EMILIN2: variants seen among roughly 807,000 people sequenced by gnomAD.
EMILIN2 encodes elastin microfibril interfacer 2.
Under a neutral mutation model 87.1 loss-of-function variants are expected in EMILIN2, and 71 were observed. The observed-to-expected ratio is 0.82, with a 90% confidence interval of 0.67 to 0.99. EMILIN2 has a LOEUF of 0.99. Ranked by LOEUF, EMILIN2 falls within the 50% of genes least tolerant of loss-of-function variation. The pLI is 0.00. For synonymous variants in EMILIN2, 581 were observed against 563.4 expected (o/e 1.03, Z -0.44); for missense variants, 1,407 against 1,371.8 (o/e 1.03, Z -0.40).
rs16943981 is a variant in EMILIN2 at position 2,891,492 on chromosome 18, A to G, written c.1365A>G (p.Ala455=). The stretch of plus-strand genomic sequence containing the variant: ...ATGCAAAATGGAATGAACTCGATGC[A>G]AGGATCAATGTGACGGAGAAGAACG... The part of the protein sequence containing the change: ...DFDAKWNELD[A]RINVTEKNAE... The change falls in exon 4 of 8, where the codon GCA becomes GCG. Residue 455 remains alanine, a synonymous_variant. Coordinates refer to ENST00000254528, the MANE Select transcript of EMILIN2 (RefSeq NM_032048.3). The surrounding 1 kb of genome is among the most constrained non-coding windows in gnomAD (Gnocchi z 4.6). The G allele has an allele frequency of 9.5e-4, 1,541 of 1,614,238 alleles. 15 individuals are homozygous for G. The African/African-American group carries it at 0.017, about 17-fold the overall frequency.
At chr18:2,862,712 G>C (rs1345815070) in intron 2 of EMILIN2, among the ~76,000 whole-genome samples, 4 of 152,122 alleles carry the variant, frequency 2.6e-5, no homozygotes, top group Non-Finnish European at 5.9e-5. Context: ...CCAGGTTTTG[G>C]TATCAGGATG....
chr18:2,862,360 T>G (rs199986399), intron 2 of EMILIN2, among the ~76,000 whole-genome samples: 8 of 152,260 alleles, frequency 5.3e-5, no homozygotes, highest in South Asian at 2.1e-4. Context: ...GTATGATATT[T>G]GCTGTGGGTT....
intron 2 of EMILIN2, among the ~76,000 whole-genome samples, chr18:2,878,966 G>T (rs2076763389): frequency 6.6e-6 from 1 of 152,148 alleles, no homozygotes; most frequent in Non-Finnish European, 1.5e-5. Flanking sequence ...TTAGTAGCCT[G>T]TGTCAAAATA....
At chr18:2,870,491 T>C (rs2076714043) in intron 2 of EMILIN2, among the ~76,000 whole-genome samples, 1 of 152,236 alleles carries the variant, frequency 6.6e-6, no homozygotes, top group Non-Finnish European at 1.5e-5. Flanking sequence ...TGTTGGCTTC[T>C]GGAAGTGCAC....
At chr18:2,905,178 T>A (rs2076904111) in intron 4 of EMILIN2, among the ~76,000 whole-genome samples, 3 of 151,784 alleles carry the variant, frequency 2.0e-5, no homozygotes, top group Admixed American at 2.0e-4. Flanking sequence ...CAGGGAAAAC[T>A]GAGAGAGTAA....
chr18:2,885,251 C>A, intron 3 of EMILIN2, 112 bp downstream of exon 3: 1 of 1,193,984 alleles, frequency 8.4e-7, no homozygotes, highest in Non-Finnish European at 1.1e-6. Flanking sequence ...CTTCGAATAA[C>A]ACACATAGAT....
chr18:2,854,626 T>C (rs9950138), intron 2 of EMILIN2, among the ~76,000 whole-genome samples: 51,408 of 151,866 alleles, frequency 0.34, 9,721 homozygotes, highest in African/African-American at 0.52. Context: ...GACCTTGTCT[T>C]TACAAAAAAT....
In EMILIN2 at chr18:2,880,733, C is replaced by T. The variant is rs530285065; in HGVS notation, c.258-4231C>T. ...GAGCATCTCCCGTGTGCTCACAGCC[C>T]GGGGCCCCTGGGGATGCTTGGGCCG... On this transcript the variant is annotated intron_variant, in intron 2 of 7. Coordinates refer to ENST00000254528, the MANE Select transcript of EMILIN2 (RefSeq NM_032048.3). The surrounding 1 kb of genome is among the most constrained non-coding windows in gnomAD (Gnocchi z 4.1). Among the ~76,000 whole-genome samples the T allele has an allele frequency of 2.0e-5, 3 of 152,276 alleles. No homozygotes were observed. The highest frequency in any genetic ancestry group is 1.9e-4 in the East Asian group (1 of 5,174).
intron 2 of EMILIN2, among the ~76,000 whole-genome samples, chr18:2,884,227 A>AT (rs2076791756): frequency 6.6e-6 from 1 of 151,474 alleles, no homozygotes. Flanking sequence ...AAGTGCTCAG[A>AT]TTACAGGCGT....
At chr18:2,895,509 G>A (rs1449172093) in intron 4 of EMILIN2, among the ~76,000 whole-genome samples, 3 of 152,210 alleles carry the variant, frequency 2.0e-5, no homozygotes, top group Non-Finnish European at 4.4e-5. Flanking sequence ...CCCCGGCAGG[G>A]CTTGGCTCAG....
At chr18:2,893,541 A>G (rs955968249) in intron 4 of EMILIN2, among the ~76,000 whole-genome samples, 3 of 152,170 alleles carry the variant, frequency 2.0e-5, no homozygotes, top group African/African-American at 7.2e-5. Context: ...AATGAATAAT[A>G]TATGTAATAA....
intron 2 of EMILIN2, among the ~76,000 whole-genome samples, chr18:2,853,510 T>G (rs1314360230): frequency 2.6e-5 from 4 of 152,218 alleles, no homozygotes; most frequent in Non-Finnish European, 5.9e-5. Context: ...ATCCGTGGGA[T>G]TGAGGCTGAC....
chr18:2,864,641 C>G (rs2076677525), intron 2 of EMILIN2, among the ~76,000 whole-genome samples: 1 of 152,160 alleles, frequency 6.6e-6, no homozygotes, highest in Non-Finnish European at 1.5e-5. Context: ...TCTCTGGCTG[C>G]CCTTAACATT....
chr18:2,850,230 A>G (rs900169160), intron 2 of EMILIN2, among the ~76,000 whole-genome samples: 10 of 151,352 alleles, frequency 6.6e-5, no homozygotes, highest in African/African-American at 2.4e-4. Flanking sequence ...ATGAGCCACC[A>G]TGTCTGGCCC....
intron 2 of EMILIN2, among the ~76,000 whole-genome samples, chr18:2,870,996 C>T (rs2076716791): frequency 6.6e-6 from 1 of 152,168 alleles, no homozygotes; most frequent in Non-Finnish European, 1.5e-5. Flanking sequence ...TCTAAGGACA[C>T]TAGACCTATT....
At chr18:2,909,977 C>G (rs895784596) in intron 7 of EMILIN2, among the ~76,000 whole-genome samples, 158 bp downstream of exon 7, 2 of 152,258 alleles carry the variant, frequency 1.3e-5, no homozygotes, top group African/African-American at 4.8e-5. Flanking sequence ...CTCTGCCCGA[C>G]TCTGTGGGCT....
intron 2 of EMILIN2, among the ~76,000 whole-genome samples, chr18:2,874,049 C>T (rs544009141): frequency 3.3e-5 from 5 of 152,194 alleles, no homozygotes; most frequent in African/African-American, 9.7e-5. Flanking sequence ...TAAAGGACAT[C>T]ATAGTTGTCA....
At chr18:2,863,689 A>G (rs550445649) in intron 2 of EMILIN2, among the ~76,000 whole-genome samples, 1 of 152,334 alleles carries the variant, frequency 6.6e-6, no homozygotes, top group South Asian at 2.1e-4. Context: ...AGAAGAATGT[A>G]TATTCTGTTG....
At chr18:2,883,447 G>C (rs1010549517) in intron 2 of EMILIN2, among the ~76,000 whole-genome samples, 1 of 152,220 alleles carries the variant, frequency 6.6e-6, no homozygotes, top group Non-Finnish European at 1.5e-5. Context: ...CCAGCTGCTG[G>C]TGCTGGTGTA....
Sources: allele counts gnomAD v4.1 joint callset (sites outside exome capture counted in the v4.1 genomes callset), GRCh38; gene constraint gnomAD v4.1.1; non-coding constraint Gnocchi (gnomAD v3.1); transcripts MANE v1.5; gene names NCBI Gene and HGNC (gene_info 2026-07-23, HGNC 2026-07-21).